TENM1: variants seen among roughly 807,000 people sequenced by gnomAD.
TENM1 encodes teneurin-1.
Under a neutral mutation model 174.8 loss-of-function variants are expected in TENM1, and 35 were observed. The observed-to-expected ratio is 0.20, with a 90% CI of 0.15 to 0.27. The LOEUF is 0.27. Ranked by LOEUF, TENM1 falls within the 10% of genes least tolerant of loss-of-function variation. The pLI, the probability that TENM1 is intolerant of heterozygous loss-of-function variation, is 1.00. For synonymous variants in TENM1, 781 were observed against 798.7 expected, an observed-to-expected ratio of 0.98 and a Z score of 0.37; for missense variants, 1,633 against 2,130.1, an observed-to-expected ratio of 0.77 and a Z score of 4.59.
chrX:124,725,046 T>G (rs765873188), intron 4 of TENM1, among the ~76,000 whole-genome samples: 1 of 111,460 alleles, frequency 9.0e-6, no homozygotes, highest in East Asian at 2.8e-4. Flanking sequence ...CTTCCCAGCC[T>G]CTAGAAATGA....
the TENM1 span, among the ~76,000 whole-genome samples, chrX:125,130,069 T>G: frequency 9.0e-6 from 1 of 111,618 alleles, no homozygotes; most frequent in Non-Finnish European, 1.9e-5. Flanking sequence ...TCCCAGATAA[T>G]TTTTATATAT....
chrX:124,469,918 A>T (rs1268994470), intron 22 of TENM1, among the ~76,000 whole-genome samples: 1 of 111,703 alleles, frequency 9.0e-6, no homozygotes, highest in African/African-American at 3.3e-5. Flanking sequence ...TTCATTGATA[A>T]TTAAAGGAAT....
intron 5 of TENM1, among the ~76,000 whole-genome samples, chrX:124,685,933 AAG>A (rs761407816): frequency 2.2e-4 from 25 of 112,171 alleles, no homozygotes; most frequent in Non-Finnish European, 4.5e-4. Context: ...AGATTATTTA[AAG>A]AAATAATGAC....
chrX:124,988,899 A>G, the TENM1 span, among the ~76,000 whole-genome samples: 1 of 112,001 alleles, frequency 8.9e-6, no homozygotes, highest in East Asian at 2.8e-4. Flanking sequence ...CCTGGGAAAA[A>G]AAGGGAACTT....
chrX:124,931,343 T>C (rs185147414), intron 1 of TENM1, among the ~76,000 whole-genome samples: 2 of 110,572 alleles, frequency 1.8e-5, no homozygotes, highest in Admixed American at 9.6e-5. Context: ...AACCTTTTTT[T>C]AAAGTAATGG....
intron 3 of TENM1, among the ~76,000 whole-genome samples, chrX:124,758,816 A>G (rs1384746225): frequency 1.8e-5 from 2 of 111,980 alleles, no homozygotes; most frequent in African/African-American, 6.5e-5. Context: ...TTATATGAGG[A>G]ATCTAAATCT....
intron 11 of TENM1, among the ~76,000 whole-genome samples, chrX:124,580,049 C>G (rs953739047): frequency 1.8e-5 from 2 of 111,261 alleles, no homozygotes; most frequent in Non-Finnish European, 3.8e-5. Context: ...TTGGAGCTTA[C>G]AGTTGTGTGT....
chrX:124,814,647 C>A (rs1367053664), intron 3 of TENM1, among the ~76,000 whole-genome samples: 1 of 111,538 alleles, frequency 9.0e-6, no homozygotes, highest in East Asian at 2.8e-4. Context: ...TATTCAGCTT[C>A]TCAGTTCTTC....
At chrX:124,652,858 G>A (rs772650783) in intron 7 of TENM1, among the ~76,000 whole-genome samples, 55 of 111,666 alleles carry the variant, frequency 4.9e-4, no homozygotes, top group African/African-American at 1.7e-3. Flanking sequence ...TTCTAATTCC[G>A]TTTCTATTCT....
intron 5 of TENM1, among the ~76,000 whole-genome samples, chrX:124,704,742 T>C (rs1428563887): frequency 9.0e-6 from 1 of 111,053 alleles, no homozygotes; most frequent in East Asian, 2.8e-4. Flanking sequence ...AACCTTTTAA[T>C]TGAAGGGAAA....
chrX:124,393,699 C>T (rs2060305376), intron 27 of TENM1, among the ~76,000 whole-genome samples: 1 of 111,629 alleles, frequency 9.0e-6, no homozygotes, highest in Non-Finnish European at 1.9e-5. Context: ...TTGCTGTGTA[C>T]CCTTCACCCA....
At chrX:124,831,006 C>T (rs937147883) in intron 3 of TENM1, among the ~76,000 whole-genome samples, 2 of 111,723 alleles carry the variant, frequency 1.8e-5, no homozygotes, top group Non-Finnish European at 3.8e-5. Context: ...TAGTGCAGGG[C>T]CAGTCCAGAG....
intron 22 of TENM1, among the ~76,000 whole-genome samples, chrX:124,460,546 T>C (rs1484998293): frequency 9.2e-6 from 1 of 109,285 alleles, no homozygotes. Flanking sequence ...CATAGACACA[T>C]AGAGGGGAAC....
chrX:125,187,227 G>A, the TENM1 span, among the ~76,000 whole-genome samples: 3 of 112,309 alleles, frequency 2.7e-5, no homozygotes, highest in South Asian at 3.6e-4. Flanking sequence ...GCTGTTGCAC[G>A]CCAGCCTGGG....
chrX:124,642,783 A>G (rs1343162286), intron 10 of TENM1, among the ~76,000 whole-genome samples: 1 of 112,186 alleles, frequency 8.9e-6, no homozygotes, highest in Non-Finnish European at 1.9e-5. Flanking sequence ...TTTAACTAGT[A>G]ACCATTCCAT....
intron 22 of TENM1, among the ~76,000 whole-genome samples, chrX:124,462,431 TG>T (rs1217120404): frequency 0.047 from 428 of 9,032 alleles, 6 homozygotes; most frequent in Middle Eastern, 0.091. Flanking sequence ...TGTGTGTGTG[TG>T]GGGGGGGTGG....
At chrX:124,961,931 A>G (rs2058659870) in intron 1 of TENM1, among the ~76,000 whole-genome samples, 1 of 111,637 alleles carries the variant, frequency 9.0e-6, no homozygotes, top group African/African-American at 3.3e-5. Flanking sequence ...TAATGAGAGT[A>G]ATGATCATGA....
the TENM1 span, among the ~76,000 whole-genome samples, chrX:124,977,963 TGTGTGAGA>T: frequency 0.12 from 4,556 of 37,865 alleles, 221 homozygotes; most frequent in Middle Eastern, 0.18. Context: ...TGTGTGTGTG[TGTGTGAGA>T]GAGAGAGAGA....
At chrX:124,743,607 T>C (rs1022279657) in intron 3 of TENM1, among the ~76,000 whole-genome samples, 4 of 112,117 alleles carry the variant, frequency 3.6e-5, no homozygotes, top group African/African-American at 9.7e-5. Context: ...TACTGCATTC[T>C]GCATGGCTTC....
Sources: allele counts gnomAD v4.1 joint callset (sites outside exome capture counted in the v4.1 genomes callset), GRCh38; gene constraint gnomAD v4.1.1; transcripts MANE v1.5; gene names NCBI Gene and HGNC (gene_info 2026-07-23, HGNC 2026-07-21).